Variants in SPAG16 observed in about 807,000 individuals in gnomAD.
The protein encoded by SPAG16 is sperm-associated antigen 16 protein.
SPAG16 carries 86 observed loss-of-function variants against 80.4 expected under a neutral mutation model. The ratio of observed to expected loss-of-function variants is 1.07; its 90% CI spans 0.90 to 1.28. The LOEUF (loss-of-function observed/expected upper bound fraction) is 1.28. Ranked by LOEUF, SPAG16 falls within the 50% of genes most tolerant of loss-of-function variation. The pLI is 0.00. For synonymous variants in SPAG16, 294 were observed against 265.9 expected (o/e 1.11, Z -1.03); for missense variants, 870 against 765.3 (o/e 1.14, Z -1.61).
At chr2:213,540,083 G>A (rs2076387502) in intron 10 of SPAG16, among the ~76,000 whole-genome samples, 1 of 140,794 alleles carries the variant, frequency 7.1e-6, no homozygotes, top group African/African-American at 2.7e-5. Flanking sequence ...CACCCAGGCT[G>A]GAGTGCAGTG....
rs574430124 is a variant in SPAG16, at chr2:213,345,653, C to G, written c.645-4875C>G. 5.2e-3 allele frequency among the ~76,000 whole-genome samples: 722 copies of G among 139,904 alleles called. 9 individuals carry two copies. The highest frequency in any genetic ancestry group is 0.018 in the African/African-American group (679 of 37,190). The allele number at this position is 139,904 out of a possible 152,430, so 91.8% of individuals were successfully genotyped here. ...TAAATAGGGAATCCTTTCCCCATTGCTTGTTTTTGTCAGGTTTGTCAAAGA... is the reference window on the plus strand; with the variant it reads ...TAAATAGGGAATCCTTTCCCCATTGGTTGTTTTTGTCAGGTTTGTCAAAGA... On this transcript the variant is annotated intron_variant, in intron 6 of 15. Transcript: ENST00000331683.
At chr2:214,210,270 C>A (rs1315165040) in intron 15 of SPAG16, among the ~76,000 whole-genome samples, 1 of 134,044 alleles carries the variant, frequency 7.5e-6, no homozygotes, top group Non-Finnish European at 1.8e-5. Flanking sequence ...CTATGAGGTC[C>A]ACTTATACAT....
chr2:214,321,353 A>G (rs1696080080), intron 15 of SPAG16, among the ~76,000 whole-genome samples: 1 of 152,246 alleles, frequency 6.6e-6, no homozygotes, highest in Admixed American at 6.5e-5. Flanking sequence ...ATATTTAACT[A>G]TTTTGGCCAC....
At chr2:213,682,284 TTTG>T (rs1178311368) in intron 10 of SPAG16, among the ~76,000 whole-genome samples, 1 of 152,180 alleles carries the variant, frequency 6.6e-6, no homozygotes, top group Non-Finnish European at 1.5e-5. Flanking sequence ...TTTTGCTGCA[TTTG>T]TTGTTTTCCA....
At chr2:213,328,373 A>G (rs1458534838) in intron 5 of SPAG16, among the ~76,000 whole-genome samples, 2 of 152,150 alleles carry the variant, frequency 1.3e-5, no homozygotes, top group African/African-American at 4.8e-5. Flanking sequence ...TTTCAAAACA[A>G]TTTATCTCTT....
At chr2:214,105,146 G>A (rs116590084) in intron 13 of SPAG16, among the ~76,000 whole-genome samples, 1,938 of 152,224 alleles carry the variant, frequency 0.013, 37 homozygotes, top group African/African-American at 0.043. Context: ...TTAGTAGAGA[G>A]CCTGGCATAG....
At chr2:213,635,353 A>T (rs2062322454) in intron 10 of SPAG16, among the ~76,000 whole-genome samples, 1 of 152,054 alleles carries the variant, frequency 6.6e-6, no homozygotes. Flanking sequence ...ATATTTTTGC[A>T]ATCGTGAATT....
intron 15 of SPAG16, among the ~76,000 whole-genome samples, chr2:214,266,482 A>G (rs2125883321): frequency 6.6e-6 from 1 of 152,024 alleles, no homozygotes; most frequent in Non-Finnish European, 1.5e-5. Flanking sequence ...ACAACAGAGT[A>G]AAAGCCATAT....
intron 9 of SPAG16, among the ~76,000 whole-genome samples, chr2:213,438,430 A>T (rs902594374): frequency 6.6e-6 from 1 of 152,170 alleles, no homozygotes; most frequent in East Asian, 1.9e-4. Context: ...CCCACTGCTT[A>T]TTTTTATATA....
chr2:214,116,794 G>T (rs1352478699), intron 14 of SPAG16, among the ~76,000 whole-genome samples: 3 of 152,166 alleles, frequency 2.0e-5, no homozygotes, highest in South Asian at 2.1e-4. Context: ...GGGCTGAGAG[G>T]TTCCTCTAGT....
chr2:213,749,288 T>C (rs2067977399), intron 10 of SPAG16, among the ~76,000 whole-genome samples: 1 of 152,168 alleles, frequency 6.6e-6, no homozygotes. Flanking sequence ...AATATAAATC[T>C]ATTTATATAA....
At chr2:213,652,946 G>C (rs933082880) in intron 10 of SPAG16, among the ~76,000 whole-genome samples, 1 of 151,982 alleles carries the variant, frequency 6.6e-6, no homozygotes, top group South Asian at 2.1e-4. Context: ...ATTATCTCCC[G>C]TGTTTCTTCT....
intron 9 of SPAG16, among the ~76,000 whole-genome samples, chr2:213,427,524 C>A (rs1015213977): frequency 6.6e-6 from 1 of 152,056 alleles, no homozygotes; most frequent in Non-Finnish European, 1.5e-5. Context: ...TGACTGGCTT[C>A]TAATTTTCTG....
At chr2:213,489,383 T>A (rs1351010391) in intron 9 of SPAG16, among the ~76,000 whole-genome samples, 8 of 152,120 alleles carry the variant, frequency 5.3e-5, no homozygotes. Flanking sequence ...GAGCGGGCGG[T>A]GACCAAGAAA....
intron 10 of SPAG16, among the ~76,000 whole-genome samples, chr2:213,830,586 C>T (rs2073577253): frequency 6.6e-6 from 1 of 152,112 alleles, no homozygotes; most frequent in Non-Finnish European, 1.5e-5. Flanking sequence ...TGCCTTTCTC[C>T]AGTAAGTTGT....
intron 9 of SPAG16, among the ~76,000 whole-genome samples, chr2:213,421,096 G>A (rs1212591412): frequency 6.6e-6 from 1 of 152,100 alleles, no homozygotes; most frequent in Non-Finnish European, 1.5e-5. Flanking sequence ...CCCATGCTCT[G>A]GGCACAGCTG....
chr2:213,910,235 C>T (rs577073733), intron 11 of SPAG16, among the ~76,000 whole-genome samples: 17 of 152,152 alleles, frequency 1.1e-4, no homozygotes, highest in Middle Eastern at 3.4e-3. Flanking sequence ...TACAATATAA[C>T]GATAGTAATT....
intron 9 of SPAG16, among the ~76,000 whole-genome samples, chr2:213,427,322 G>T (rs746366955): frequency 5.9e-5 from 9 of 152,104 alleles, no homozygotes; most frequent in Admixed American, 5.2e-4. Context: ...AAAACTTTTA[G>T]CATCTTTCTT....
At chr2:214,194,618 A>G (rs921155260) in intron 15 of SPAG16, among the ~76,000 whole-genome samples, 1 of 152,100 alleles carries the variant, frequency 6.6e-6, no homozygotes, top group African/African-American at 2.4e-5. Flanking sequence ...TGCTAGTCAA[A>G]TAAATATTCT....
Sources: gnomAD v4.1 joint callset for allele counts (sites outside exome capture counted in the v4.1 genomes callset) on GRCh38, gnomAD v4.1.1 for gene constraint, MANE v1.5 for transcripts, NCBI Gene and HGNC (gene_info 2026-07-23, HGNC 2026-07-21) for gene names.